ASIC2: variants seen among roughly 807,000 people sequenced by gnomAD.
ASIC2 encodes the protein acid-sensing ion channel 2.
ASIC2 carries 25 observed loss-of-function variants against 57.3 expected under a neutral mutation model. The ratio of observed to expected loss-of-function variants is 0.44; its 90% confidence interval spans 0.32 to 0.61. The LOEUF is 0.61. ASIC2 is among the 20% of genes least tolerant of loss of function. The probability of loss-of-function intolerance (pLI) is 0.06; values close to 1 mark genes in which losing one functional copy is unlikely to be tolerated. For synonymous variants in ASIC2, 319 were observed against 307.5 expected (o/e 1.04, Z -0.39); for missense variants, 641 against 738.1 (o/e 0.87, Z 1.52).
intron 1 of ASIC2, among the ~76,000 whole-genome samples, chr17:33,116,854 A>AT (rs992193487): frequency 0.014 from 2,023 of 145,786 alleles, 33 homozygotes; most frequent in African/African-American, 0.032. Flanking sequence ...GTTTTATATA[A>AT]TTTTTTTTTT....
chr17:34,031,012 T>C (rs1597982766), intron 1 of ASIC2, among the ~76,000 whole-genome samples: 2 of 151,914 alleles, frequency 1.3e-5, no homozygotes, highest in African/African-American at 2.4e-5. Flanking sequence ...TTGAAGAGAG[T>C]AGTGGTTCTC....
intron 1 of ASIC2, among the ~76,000 whole-genome samples, chr17:33,175,506 C>T (rs1905714760): frequency 7.1e-6 from 1 of 141,162 alleles, no homozygotes; most frequent in African/African-American, 2.6e-5. Flanking sequence ...AAAAAGGATT[C>T]ACAAATAAGA....
chr17:33,542,324 G>A lies in ASIC2; in HGVS notation c.556-430257C>T, dbSNP rs544152026. ...TAGATCCCTGAGGAATCGCCACACT[G>A]ACTTCCACAATGGTTGAACTAGTTT... is the stretch of plus-strand genomic sequence containing the variant. On this transcript the variant is annotated intron_variant, in intron 1 of 9. Transcript: ENST00000359872. Among the ~76,000 whole-genome samples, 613 of 143,832 alleles carry A rather than the reference G, an allele frequency of 4.3e-3. 3 individuals carry two copies. The highest frequency in any genetic ancestry group is 0.014 in the African/African-American group (554 of 38,446). 94.4% of individuals were successfully genotyped at this position (143,832 alleles called of 152,430 possible). A position where few individuals can be genotyped will look rare whatever the true frequency, so the allele number is the denominator to read the frequency against.
At chr17:33,682,537 T>C (rs1380698866) in intron 1 of ASIC2, among the ~76,000 whole-genome samples, 1 of 152,142 alleles carries the variant, frequency 6.6e-6, no homozygotes, top group Non-Finnish European at 1.5e-5. Flanking sequence ...CATGTTTTAG[T>C]CCTGATAGTT....
At chr17:33,099,969 T>C (rs2092204875) in intron 2 of ASIC2, 1 of 152,244 alleles carries the variant, frequency 6.6e-6, no homozygotes, top group Non-Finnish European at 1.5e-5. Flanking sequence ...AGCTTTCATG[T>C]GGGATACTGG....
At chr17:34,099,468 GAGAGAA>G (rs1364381898) in intron 1 of ASIC2, among the ~76,000 whole-genome samples, 1 of 133,616 alleles carries the variant, frequency 7.5e-6, no homozygotes, top group African/African-American at 2.8e-5. Flanking sequence ...GAAAGAAAGA[GAGAGAA>G]AGGAAGGAAG....
At chr17:33,435,374 T>A (rs1005691346) in intron 1 of ASIC2, among the ~76,000 whole-genome samples, 6 of 152,138 alleles carry the variant, frequency 3.9e-5, no homozygotes, top group African/African-American at 1.4e-4. Context: ...AAAACCACCA[T>A]AATCTAAAGG....
intron 1 of ASIC2, among the ~76,000 whole-genome samples, chr17:33,266,457 A>T (rs1909462317): frequency 6.6e-6 from 1 of 152,176 alleles, no homozygotes; most frequent in African/African-American, 2.4e-5. Context: ...GGTCAAAAAG[A>T]ATGTCTGCCC....
intron 1 of ASIC2, among the ~76,000 whole-genome samples, chr17:33,412,761 G>T (rs550580782): frequency 1.5e-4 from 23 of 152,304 alleles, no homozygotes; most frequent in Admixed American, 9.2e-4. Flanking sequence ...AGAAGTGGGA[G>T]AGACGTTGGT....
intron 1 of ASIC2, among the ~76,000 whole-genome samples, chr17:33,363,802 G>T (rs1006932359): frequency 6.6e-6 from 1 of 152,184 alleles, no homozygotes; most frequent in Non-Finnish European, 1.5e-5. Flanking sequence ...TTGCTTGTTT[G>T]CTTTCCATCT....
intron 1 of ASIC2, among the ~76,000 whole-genome samples, chr17:33,892,693 T>C (rs1039271970): frequency 6.6e-6 from 1 of 152,230 alleles, no homozygotes; most frequent in Non-Finnish European, 1.5e-5. Context: ...ACACAGTTCC[T>C]GGCACACAGA....
chr17:33,696,874 G>A (rs1213834583), intron 1 of ASIC2, among the ~76,000 whole-genome samples: 2 of 152,208 alleles, frequency 1.3e-5, no homozygotes, highest in African/African-American at 4.8e-5. Context: ...GAAGTGGATT[G>A]ATATAATTTG....
intron 1 of ASIC2, among the ~76,000 whole-genome samples, chr17:33,188,668 G>A (rs1434823793): frequency 6.6e-6 from 1 of 152,094 alleles, no homozygotes; most frequent in East Asian, 1.9e-4. Context: ...TTAAAGTACT[G>A]AGAGAAAGTA....
intron 1 of ASIC2, among the ~76,000 whole-genome samples, chr17:33,423,415 T>C (rs1015457539): frequency 2.6e-5 from 4 of 152,198 alleles, no homozygotes; most frequent in Non-Finnish European, 5.9e-5. Flanking sequence ...AAAAATCATG[T>C]AAATAATGTG....
At chr17:33,913,098 C>T (rs1010093068) in intron 1 of ASIC2, among the ~76,000 whole-genome samples, 16 of 151,816 alleles carry the variant, frequency 1.1e-4, no homozygotes, top group African/African-American at 3.6e-4. Context: ...CCCTCCCCCC[C>T]GCCAATTTCT....
intron 3 of ASIC2, among the ~76,000 whole-genome samples, chr17:33,073,137 C>G (rs2092076062): frequency 6.6e-6 from 1 of 152,210 alleles, no homozygotes; most frequent in Non-Finnish European, 1.5e-5. Flanking sequence ...GGAGCAAAAT[C>G]AGGACACAGA....
chr17:33,289,492 C>G (rs1260042243), intron 1 of ASIC2, among the ~76,000 whole-genome samples: 1 of 152,082 alleles, frequency 6.6e-6, no homozygotes, highest in East Asian at 1.9e-4. Context: ...GACAGGATTC[C>G]TAGGAGTAGA....
At chr17:33,102,990 C>G (rs547526220) in intron 2 of ASIC2, among the ~76,000 whole-genome samples, 10 of 152,078 alleles carry the variant, frequency 6.6e-5, no homozygotes, top group Middle Eastern at 3.4e-3. Flanking sequence ...TCACCATGTT[C>G]GCCAGGATGG....
At chr17:33,666,811 C>T (rs891619792) in intron 1 of ASIC2, among the ~76,000 whole-genome samples, 5 of 152,242 alleles carry the variant, frequency 3.3e-5, no homozygotes, top group South Asian at 2.1e-4. Flanking sequence ...GGTCTGCTGC[C>T]CCAGAATCGT....
Sources: allele counts gnomAD v4.1 joint callset (sites outside exome capture counted in the v4.1 genomes callset), GRCh38; gene constraint gnomAD v4.1.1; transcripts MANE v1.5; gene names NCBI Gene and HGNC (gene_info 2026-07-23, HGNC 2026-07-21).